The following GTF3C5 variants were observed in gnomAD, a reference collection of about 807,000 sequenced individuals.
GTF3C5 encodes the protein general transcription factor 3C polypeptide 5.
In GTF3C5, 47 loss-of-function variants were observed where a neutral mutation model predicts 61.0. The observed-to-expected ratio is 0.77, with a 90% confidence interval of 0.61 to 0.98. GTF3C5 has a LOEUF of 0.98. Among genes scored for constraint, GTF3C5 ranks in the 50% least tolerant of loss-of-function variants. The probability of loss-of-function intolerance (pLI) is 0.00; values close to 1 mark genes in which losing one functional copy is unlikely to be tolerated. For synonymous variants in GTF3C5, 295 were observed against 275.4 expected, an observed-to-expected ratio of 1.07 and a Z score of -0.71; for missense variants, 659 against 703.3, an observed-to-expected ratio of 0.94 and a Z score of 0.71.
At chr9:133,047,018 A>C (rs1353623142) in intron 3 of GTF3C5, among the ~76,000 whole-genome samples, 2 of 152,140 alleles carry the variant, frequency 1.3e-5, no homozygotes, top group African/African-American at 4.8e-5. Context: ...TGGATTGTCT[A>C]GTAGCCCCCA....
rs1829996729 is a variant in GTF3C5, at chr9:133,058,191, A to G, written c.*211A>G. 1.4e-6 allele frequency: 2 copies of G among 1,381,064 alleles called. No homozygotes were observed. The highest frequency in any genetic ancestry group is 1.9e-6 in the Non-Finnish European group (2 of 1,064,356). 85.6% of individuals were successfully genotyped at this position (1,381,064 alleles called of 1,614,324 possible). On this transcript the variant is annotated 3_prime_UTR_variant, in exon 11 of 11. Coordinates refer to ENST00000372097, the MANE Select transcript of GTF3C5 (RefSeq NM_012087.4). Reference sequence around the variant, plus strand: ...CCTCTGGTCCTGAGGGGTTAGGGACATCCCCAAAGGGTATACCCTGGCTCT... The same window carrying G: ...CCTCTGGTCCTGAGGGGTTAGGGACGTCCCCAAAGGGTATACCCTGGCTCT...
At chr9:133,055,126 G>A (rs770395044) in intron 8 of GTF3C5, 277 of 1,548,632 alleles carry the variant, frequency 1.8e-4, no homozygotes, top group African/African-American at 3.7e-4. Context: ...TGACCACTCC[G>A]GGAATGATCG....
At chr9:133,043,701 C>T (rs749981414) in intron 2 of GTF3C5, 27 bp from the exon 3 acceptor site, 2 of 1,590,390 alleles carry the variant, frequency 1.3e-6, no homozygotes, top group Non-Finnish European at 8.6e-7. Flanking sequence ...GACTCAATGT[C>T]TGCCATCTGC....
chr9:133,042,152 A>C lies in GTF3C5; in HGVS notation c.219A>C (p.Pro73=), dbSNP rs748367941. The part of the protein sequence containing the change: ...YFRPKDPYCH[P]VCANRFSTSS... ...GGCCCAAGGACCCATACTGCCACCCAGTGTGCGCCAACCGCTTCAGTACCA... is the reference window on the plus strand; with the variant it reads ...GGCCCAAGGACCCATACTGCCACCCCGTGTGCGCCAACCGCTTCAGTACCA... Residue 73 remains proline, a synonymous_variant, in exon 2 of 11, where the codon CCA becomes CCC. Coordinates refer to ENST00000372097, the MANE Select transcript of GTF3C5 (RefSeq NM_012087.4). The C allele has an allele frequency of 6.8e-6, 11 of 1,614,076 alleles. No individual in the cohort carries two copies. The highest frequency in any genetic ancestry group is 9.3e-6 in the Non-Finnish European group (11 of 1,180,000).
At chr9:133,039,865 G>A (rs1270223793) in intron 1 of GTF3C5, among the ~76,000 whole-genome samples, 1 of 152,146 alleles carries the variant, frequency 6.6e-6, no homozygotes, top group Non-Finnish European at 1.5e-5. Flanking sequence ...ACACAAGAAA[G>A]TTTAGGTCAG....
chr9:133,044,043 G>A (rs557762916), intron 3 of GTF3C5, 117 bp downstream of exon 3: 3 of 731,810 alleles, frequency 4.1e-6, no homozygotes, highest in Admixed American at 2.6e-5. Context: ...TACTCGGGAG[G>A]CTGAGGCTGG....
At chr9:133,038,757 C>T (rs1234898296) in intron 1 of GTF3C5, among the ~76,000 whole-genome samples, 2 of 151,934 alleles carry the variant, frequency 1.3e-5, no homozygotes, top group Non-Finnish European at 2.9e-5. Context: ...GCGCCCGGCT[C>T]CTAGGGGCTT....
intron 3 of GTF3C5, among the ~76,000 whole-genome samples, chr9:133,049,855 C>T (rs899209398): frequency 2.0e-5 from 3 of 147,174 alleles, no homozygotes; most frequent in African/African-American, 8.2e-5. Context: ...CCCCCAGCCA[C>T]CCCCACTCAG....
At chr9:133,031,794 C>T (rs767053612) in intron 1 of GTF3C5, among the ~76,000 whole-genome samples, 38 of 152,062 alleles carry the variant, frequency 2.5e-4, no homozygotes, top group Non-Finnish European at 4.9e-4. Context: ...AAGCTAATTC[C>T]GATTGGTTAT....
intron 3 of GTF3C5, among the ~76,000 whole-genome samples, chr9:133,044,634 C>A (rs1007416442): frequency 6.6e-6 from 1 of 152,194 alleles, no homozygotes; most frequent in Non-Finnish European, 1.5e-5. Flanking sequence ...CAGCTGTTTA[C>A]CCTTTCCTGG....
At chr9:133,049,630 G>A (rs1018259422) in intron 3 of GTF3C5, among the ~76,000 whole-genome samples, 2 of 152,126 alleles carry the variant, frequency 1.3e-5, no homozygotes, top group East Asian at 1.9e-4. Flanking sequence ...CTTTACACTG[G>A]CCTGCCTGCT....
At chr9:133,050,692 G>C in intron 3 of GTF3C5, 91 bp from the exon 4 acceptor site, 1 of 890,834 alleles carries the variant, frequency 1.1e-6, no homozygotes, top group Non-Finnish European at 1.8e-6. Flanking sequence ...TGTGGGCCTT[G>C]GGGGGTTCTG....
At chr9:133,037,798 CA>C (rs1399898073) in intron 1 of GTF3C5, among the ~76,000 whole-genome samples, 1 of 152,142 alleles carries the variant, frequency 6.6e-6, no homozygotes, top group Non-Finnish European at 1.5e-5. Flanking sequence ...ACCCCTGAAA[CA>C]AAAAGCTCTT....
chr9:133,030,719 C>T (rs78063416), upstream of GTF3C5: 5,383 of 532,874 alleles, frequency 0.01, 36 homozygotes, highest in Middle Eastern at 0.024. Context: ...TCTTATTATC[C>T]TCCGGGTCCC....
At chr9:133,057,755 T>A in intron 10 of GTF3C5, 59 bp from the exon 11 acceptor site, 2 of 1,498,866 alleles carry the variant, frequency 1.3e-6, no homozygotes, top group Non-Finnish European at 1.8e-6. Flanking sequence ...TGGTGGCCTT[T>A]CTGGGGCCAC....
chr9:133,036,735 T>G (rs1849873458), intron 1 of GTF3C5, among the ~76,000 whole-genome samples: 1 of 152,124 alleles, frequency 6.6e-6, no homozygotes, highest in South Asian at 2.1e-4. Flanking sequence ...TTAGGGCATA[T>G]GAGTCAATCC....
intron 1 of GTF3C5, among the ~76,000 whole-genome samples, chr9:133,034,891 G>A (rs937049846): frequency 6.6e-6 from 1 of 151,534 alleles, no homozygotes; most frequent in Non-Finnish European, 1.5e-5. Flanking sequence ...AACCCATATA[G>A]CATTTCATAA....
chr9:133,054,337 A>G, intron 6 of GTF3C5, 71 bp from the exon 7 acceptor site: 1 of 1,283,752 alleles, frequency 7.8e-7, no homozygotes. Context: ...TCCCATCTCC[A>G]GTGTGAAGCC....
At chr9:133,055,377 G>A in intron 8 of GTF3C5, 2 of 1,308,480 alleles carry the variant, frequency 1.5e-6, no homozygotes, top group Non-Finnish European at 2.0e-6. Flanking sequence ...GATGAGTGCA[G>A]CAGAGACGGG....
Sources: allele counts gnomAD v4.1 joint callset (sites outside exome capture counted in the v4.1 genomes callset), GRCh38; gene constraint gnomAD v4.1.1; transcripts MANE v1.5; gene names NCBI Gene and HGNC (gene_info 2026-07-23, HGNC 2026-07-21).